Variants in AXL observed in about 807,000 individuals in gnomAD.
AXL encodes AXL receptor tyrosine kinase.
AXL carries 52 observed loss-of-function variants against 104.5 expected under a neutral mutation model. That is an observed-to-expected ratio of 0.50 (90% CI 0.40 to 0.63). The LOEUF (loss-of-function observed/expected upper bound fraction) is 0.63, where lower values mean the gene tolerates loss of function less well. Among genes scored for constraint, AXL ranks in the 20% least tolerant of loss-of-function variants. The probability of loss-of-function intolerance (pLI) is 0.00; values close to 1 mark genes in which losing one functional copy is unlikely to be tolerated. For synonymous variants in AXL, 455 were observed against 473.7 expected (o/e 0.96, Z 0.51); for missense variants, 1,024 against 1,188.5 (o/e 0.86, Z 2.04).
At position 41,231,017 on chromosome 19, in the gene AXL, G is replaced by T. The variant is rs1446492878; in HGVS notation, c.637G>T (p.Val213Phe). 1.2e-6 allele frequency: 2 copies of T among 1,613,974 alleles called. No individual in the cohort carries two copies. The change falls in exon 5 of 20, where the codon GTC becomes TTC. Residue 213 changes from valine (V) to phenylalanine (F), a missense_variant. Physicochemically the swap from Val to Phe is conservative, Grantham distance 50. This residue lies in a region of AXL where 332 missense variants were observed against 343.9 expected (regional missense o/e 0.97). Coordinates refer to ENST00000301178, the MANE Select transcript of AXL (RefSeq NM_021913.5). ...FSCEAHNAKG[V>F]TTSRTATITV... ...CTGCGAAGCCCATAACGCCAAGGGGGTCACCACATCCCGCACAGCCACCAT... is the reference window on the plus strand; with the variant it reads ...CTGCGAAGCCCATAACGCCAAGGGGTTCACCACATCCCGCACAGCCACCAT...
intron 6 of AXL, among the ~76,000 whole-genome samples, chr19:41,232,079 C>A (rs1192130019): frequency 6.6e-6 from 1 of 152,088 alleles, no homozygotes; most frequent in Non-Finnish European, 1.5e-5. Context: ...CACTGGATAC[C>A]CAGAACCCTC....
At chr19:41,221,082 C>T (rs890921829) in intron 2 of AXL, 64 bp from the exon 3 acceptor site, 33 of 1,471,666 alleles carry the variant, frequency 2.2e-5, no homozygotes, top group Non-Finnish European at 3.0e-5. Context: ...TCCGTTCTGA[C>T]AGACCCCCTC....
chr19:41,254,444 G>A (rs922712539), intron 17 of AXL, among the ~76,000 whole-genome samples: 5 of 151,210 alleles, frequency 3.3e-5, no homozygotes, highest in Non-Finnish European at 7.4e-5. Flanking sequence ...TGTAGTCCCA[G>A]CCATTCCCAA....
chr19:41,224,750 C>T (rs2033848918), intron 4 of AXL, among the ~76,000 whole-genome samples: 1 of 152,042 alleles, frequency 6.6e-6, no homozygotes, highest in Admixed American at 6.5e-5. Flanking sequence ...GTATATGTCA[C>T]AGGGTAAGCA....
Position 41,242,876 on chromosome 19 carries a change from CT to C in AXL, c.1313-6del, listed in dbSNP as rs760225074. 19 of 1,614,184 alleles carry C rather than the reference CT, an allele frequency of 1.2e-5. No individual in the cohort carries two copies. Among genetic ancestry groups the C allele is most frequent in the Admixed American group, 3.3e-5 (2 of 60,022 alleles). ...ATCCATGACCTGTTCCTCATACCCC[CT>C]GATAGTGAAGGAACCTTCAACTCCT... On this transcript the variant is annotated splice_polypyrimidine_tract_variant and splice_region_variant and intron_variant, in intron 10 of 19. Transcript: ENST00000301178.
At chr19:41,232,411 C>T (rs2034007459) in intron 6 of AXL, among the ~76,000 whole-genome samples, 1 of 152,192 alleles carries the variant, frequency 6.6e-6, no homozygotes, top group East Asian at 1.9e-4. Flanking sequence ...CACCTGAGGT[C>T]AGGAGTTCGA....
At chr19:41,254,390 A>AAAG (rs1490623146) in intron 17 of AXL, among the ~76,000 whole-genome samples, 23 of 145,370 alleles carry the variant, frequency 1.6e-4, no homozygotes, top group Admixed American at 2.8e-4. Context: ...AAAAAAAAAA[A>AAAG]AAAGAAAGAA....
At chr19:41,237,231 CTAT>C (rs2034095601) in intron 6 of AXL, among the ~76,000 whole-genome samples, 1 of 152,094 alleles carries the variant, frequency 6.6e-6, no homozygotes, top group Non-Finnish European at 1.5e-5. Context: ...CAGTATCGTG[CTAT>C]TATTATGATG....
At chr19:41,240,052 C>A (rs554141357) in intron 10 of AXL, among the ~76,000 whole-genome samples, 3 of 142,632 alleles carry the variant, frequency 2.1e-5, no homozygotes, top group African/African-American at 5.3e-5. Context: ...GACTGGATGT[C>A]GAGTGGATAA....
chr19:41,246,316 G>T (rs981320882), intron 12 of AXL, among the ~76,000 whole-genome samples: 2 of 151,784 alleles, frequency 1.3e-5, no homozygotes, highest in Non-Finnish European at 2.9e-5. Context: ...GTGTGGTGGT[G>T]CATGCCTGTA....
intron 6 of AXL, 86 bp downstream of exon 6, chr19:41,231,384 C>A (rs1271445817): frequency 3.2e-6 from 4 of 1,238,464 alleles, no homozygotes; most frequent in Admixed American, 4.7e-5. Context: ...GGGAACCCAC[C>A]ACTTCTCGGC....
At chr19:41,257,205 A>G (rs1183861290) in intron 18 of AXL, among the ~76,000 whole-genome samples, 1 of 151,838 alleles carries the variant, frequency 6.6e-6, no homozygotes, top group East Asian at 1.9e-4. Context: ...CACCATGCCT[A>G]GCTAATTTTT....
chr19:41,250,970 T>G (rs1170676266), intron 14 of AXL, among the ~76,000 whole-genome samples: 1 of 152,078 alleles, frequency 6.6e-6, no homozygotes, highest in African/African-American at 2.4e-5. Flanking sequence ...GGGATGATAC[T>G]TGTTTGGGTC....
chr19:41,241,543 C>CAAAA (rs11457010), intron 10 of AXL, among the ~76,000 whole-genome samples: 22 of 65,886 alleles, frequency 3.3e-4, no homozygotes, highest in East Asian at 7.5e-4. Flanking sequence ...GACTCTGTCT[C>CAAAA]AAAAAAAAAA....
chr19:41,255,489 G>A (rs2034439034), intron 17 of AXL, among the ~76,000 whole-genome samples: 1 of 151,024 alleles, frequency 6.6e-6, no homozygotes, highest in South Asian at 2.1e-4. Flanking sequence ...CCTTTAGGGT[G>A]GGGTGCAGTG....
At chr19:41,225,657 T>C (rs1169863580) in intron 4 of AXL, among the ~76,000 whole-genome samples, 1 of 152,214 alleles carries the variant, frequency 6.6e-6, no homozygotes, top group East Asian at 1.9e-4. Flanking sequence ...TATGCATACA[T>C]GTCTCTTTAT....
intron 12 of AXL, among the ~76,000 whole-genome samples, chr19:41,247,267 A>G (rs1388416862): frequency 6.6e-6 from 1 of 152,232 alleles, no homozygotes; most frequent in East Asian, 1.9e-4. Context: ...TAATCCCAAC[A>G]CTTTGGGAGG....
chr19:41,245,056 A>T (rs1042566032), intron 12 of AXL, among the ~76,000 whole-genome samples: 1 of 151,610 alleles, frequency 6.6e-6, no homozygotes, highest in Non-Finnish European at 1.5e-5. Flanking sequence ...TCAGCCTCTC[A>T]AGTAGCTGGG....
At position 41,259,570 on chromosome 19, in the gene AXL, G is replaced by A. The variant is rs201956398; in HGVS notation, c.2351G>A (p.Arg784Gln). 78 of 1,606,984 alleles carry A rather than the reference G, an allele frequency of 4.9e-5. No individual in the cohort carries two copies. The highest frequency in any genetic ancestry group is 4.2e-4 in the Admixed American group (25 of 59,592). ...TGCCCTAGGTATGCCTTGATGTCGC[G>A]GTGCTGGGAGCTAAATCCCCAGGAC... Reference protein sequence around the residue: ...CLDGLYALMSRCWELNPQDRP... With the variant: ...CLDGLYALMSQCWELNPQDRP... The change falls in exon 20 of 20, where the codon CGG becomes CAG. Residue 784 changes from arginine to glutamine, a missense_variant. Transcript: ENST00000301178.
Sources: gnomAD v4.1 joint callset for allele counts (sites outside exome capture counted in the v4.1 genomes callset) on GRCh38, gnomAD v4.1.1 for gene constraint, gnomAD v4.1.1 regional missense constraint, MANE v1.5 for transcripts, NCBI Gene and HGNC (gene_info 2026-07-23, HGNC 2026-07-21) for gene names.